Variants in ME3 observed in about 807,000 individuals in gnomAD.
ME3 encodes the protein malic enzyme 3.
In ME3, 48 loss-of-function variants were observed where a neutral mutation model predicts 68.9. The observed-to-expected ratio is 0.70, with a 90% confidence interval of 0.55 to 0.89. The LOEUF (loss-of-function observed/expected upper bound fraction) is 0.89, where lower values mean the gene tolerates loss of function less well. ME3 is among the 40% of genes least tolerant of loss of function. The pLI is 0.00. For synonymous variants in ME3, 320 were observed against 318.8 expected, an observed-to-expected ratio of 1.00 and a Z score of -0.04; for missense variants, 675 against 797.4, an observed-to-expected ratio of 0.85 and a Z score of 1.85.
At chr11:86,586,186 C>G (rs910518158) in intron 2 of ME3, among the ~76,000 whole-genome samples, 1 of 152,108 alleles carries the variant, frequency 6.6e-6, no homozygotes, top group Non-Finnish European at 1.5e-5. Context: ...ATCCTCACTT[C>G]CAGGTATAGG....
chr11:86,564,863 A>G (rs12797575), intron 2 of ME3, among the ~76,000 whole-genome samples: 34,855 of 152,114 alleles, frequency 0.23, 4,744 homozygotes, highest in Non-Finnish European at 0.31. Context: ...TCAAAATAAA[A>G]AAAGTCTGTG....
chr11:86,640,625 G>A (rs528858705), intron 2 of ME3, among the ~76,000 whole-genome samples: 1 of 152,330 alleles, frequency 6.6e-6, no homozygotes, highest in East Asian at 1.9e-4. Context: ...ATGCCCAATG[G>A]ATATTCAGCA....
intron 4 of ME3, among the ~76,000 whole-genome samples, chr11:86,522,361 CT>C (rs139483078): frequency 0.021 from 2,965 of 141,224 alleles, 75 homozygotes; most frequent in African/African-American, 0.059. Context: ...CTATTTTTTT[CT>C]TTTTTTTTTT....
chr11:86,572,225 G>A (rs1957837174), intron 2 of ME3, among the ~76,000 whole-genome samples: 2 of 152,108 alleles, frequency 1.3e-5, no homozygotes, highest in African/African-American at 4.8e-5. Context: ...GCAACCTGGT[G>A]TATGAAGGCT....
intron 2 of ME3, among the ~76,000 whole-genome samples, chr11:86,646,736 A>T (rs4944617): frequency 1.3e-5 from 2 of 152,008 alleles, no homozygotes; most frequent in Middle Eastern, 3.4e-3. Flanking sequence ...GAGTAACCCC[A>T]AGACACATAA....
In ME3 at chr11:86,475,901, A is replaced by AG. The variant is rs1491456729; in HGVS notation, c.810-10702_810-10701insC. On this transcript the variant is annotated intron_variant, in intron 7 of 14. Transcript: ENST00000543262. ...GAGAGAGAGAGAGAGAGAGAGAGAG[A>AG]AAGAGAAAGAGAGAGAGAGAGAGCA... is the stretch of plus-strand genomic sequence containing the variant. Among the ~76,000 whole-genome samples the AG allele has an allele frequency of 5.2e-3, 744 of 141,938 alleles. 12 individuals carry two copies. Among genetic ancestry groups the AG allele is most frequent in the African/African-American group, 0.014 (507 of 37,392 alleles). 93.1% of individuals were successfully genotyped at this position (141,938 alleles called of 152,430 possible). A position where few individuals can be genotyped will look rare whatever the true frequency, so the allele number is the denominator to read the frequency against.
chr11:86,476,223 C>T (rs1283676811), intron 7 of ME3, among the ~76,000 whole-genome samples: 3 of 152,182 alleles, frequency 2.0e-5, no homozygotes, highest in African/African-American at 7.2e-5. Flanking sequence ...GTGGACCTAT[C>T]TGCAGGCCTG....
chr11:86,547,216 G>A (rs1594391669), intron 4 of ME3, among the ~76,000 whole-genome samples: 1 of 142,168 alleles, frequency 7.0e-6, no homozygotes, highest in South Asian at 2.4e-4. Flanking sequence ...CTCCAGCCTG[G>A]GCGACAGAGC....
chr11:86,474,245 T>A (rs915179742), intron 7 of ME3, among the ~76,000 whole-genome samples: 1 of 152,130 alleles, frequency 6.6e-6, no homozygotes, highest in Non-Finnish European at 1.5e-5. Flanking sequence ...CGCAACATAG[T>A]CACAGGAAGC....
chr11:86,565,648 G>A (rs1957444965), intron 2 of ME3, among the ~76,000 whole-genome samples: 1 of 152,324 alleles, frequency 6.6e-6, no homozygotes, highest in East Asian at 1.9e-4. Context: ...CTAAATGGGT[G>A]AATTGTATGG....
chr11:86,470,221 A>G (rs185587592), intron 7 of ME3, among the ~76,000 whole-genome samples: 22 of 152,230 alleles, frequency 1.4e-4, no homozygotes, highest in Non-Finnish European at 2.5e-4. Context: ...GAGAAGGTGA[A>G]CTTGCTCAAC....
chr11:86,497,571 C>T (rs191071457), intron 6 of ME3, among the ~76,000 whole-genome samples: 84 of 152,214 alleles, frequency 5.5e-4, no homozygotes, highest in African/African-American at 1.9e-3. Context: ...GAATTCCAGT[C>T]ATTCCACTGG....
At chr11:86,635,451 T>C (rs950625598) in intron 2 of ME3, among the ~76,000 whole-genome samples, 3 of 152,236 alleles carry the variant, frequency 2.0e-5, no homozygotes, top group Admixed American at 6.5e-5. Flanking sequence ...TATTTTGTTA[T>C]GATAGCCTGC....
At chr11:86,470,965 A>G (rs1184582834) in intron 7 of ME3, among the ~76,000 whole-genome samples, 3 of 151,994 alleles carry the variant, frequency 2.0e-5, no homozygotes, top group Non-Finnish European at 4.4e-5. Flanking sequence ...TTTTGGCCCC[A>G]GCTCTATTGC....
intron 2 of ME3, among the ~76,000 whole-genome samples, chr11:86,574,585 C>T (rs1957991590): frequency 6.6e-6 from 1 of 152,188 alleles, no homozygotes; most frequent in East Asian, 1.9e-4. Context: ...AAGATTGCTG[C>T]CTGCTCCTTC....
chr11:86,487,575 C>G, intron 6 of ME3, 135 bp from the exon 7 acceptor site: 1 of 672,766 alleles, frequency 1.5e-6, no homozygotes, highest in Non-Finnish European at 2.6e-6. Flanking sequence ...AACTGGATCC[C>G]CCCCGCCCAG....
intron 2 of ME3, among the ~76,000 whole-genome samples, chr11:86,640,747 C>G (rs1002312140): frequency 6.6e-6 from 1 of 152,214 alleles, no homozygotes; most frequent in Non-Finnish European, 1.5e-5. Context: ...TTCAGTTATG[C>G]TCTCCATGAT....
chr11:86,511,429 C>T (rs544456639), intron 4 of ME3, among the ~76,000 whole-genome samples: 12 of 152,254 alleles, frequency 7.9e-5, no homozygotes, highest in South Asian at 6.2e-4. Flanking sequence ...ACTTTGAAAC[C>T]GCCTTTGCAA....
intron 2 of ME3, among the ~76,000 whole-genome samples, chr11:86,627,136 C>T (rs1266263419): frequency 6.6e-6 from 1 of 152,188 alleles, no homozygotes; most frequent in Non-Finnish European, 1.5e-5. Flanking sequence ...ATGGGGCCAG[C>T]CCATGCAAGA....
Sources: allele counts gnomAD v4.1 joint callset (sites outside exome capture counted in the v4.1 genomes callset), GRCh38; gene constraint gnomAD v4.1.1; transcripts MANE v1.5; gene names NCBI Gene and HGNC (gene_info 2026-07-23, HGNC 2026-07-21).